Variants in ABCC4 observed in about 807,000 individuals in gnomAD.
The protein encoded by ABCC4 is ATP-binding cassette sub-family C member 4.
Under a neutral mutation model 168.5 loss-of-function variants are expected in ABCC4, and 102 were observed. That is an observed-to-expected ratio of 0.61 (90% CI 0.52 to 0.71). ABCC4 has a LOEUF of 0.71. Among genes scored for constraint, ABCC4 ranks in the 30% least tolerant of loss-of-function variants. The probability of loss-of-function intolerance (pLI) is 0.00; values close to 1 mark genes in which losing one functional copy is unlikely to be tolerated. For synonymous variants in ABCC4, 617 were observed against 590.7 expected (o/e 1.04, Z -0.65); for missense variants, 1,402 against 1,605.8 (o/e 0.87, Z 2.17).
chr13:95,026,484 T>A (rs1017206614), intron 30 of ABCC4, among the ~76,000 whole-genome samples: 5 of 152,016 alleles, frequency 3.3e-5, no homozygotes, highest in Non-Finnish European at 7.4e-5. Flanking sequence ...AATAAAAAAA[T>A]TCAAGGATAT....
chr13:95,268,858 C>A (rs1020845637), intron 1 of ABCC4, among the ~76,000 whole-genome samples: 1 of 151,868 alleles, frequency 6.6e-6, no homozygotes, highest in Non-Finnish European at 1.5e-5. Context: ...CGGGTCCTGG[C>A]GCGGGTTCTC....
intron 19 of ABCC4, among the ~76,000 whole-genome samples, chr13:95,129,098 T>C (rs1215279227): frequency 2.0e-5 from 3 of 152,196 alleles, no homozygotes; most frequent in African/African-American, 7.2e-5. Context: ...GATCACGAAG[T>C]TGGCTGAAAA....
At chr13:95,133,904 T>TA (rs1162831862) in intron 19 of ABCC4, among the ~76,000 whole-genome samples, 2 of 152,202 alleles carry the variant, frequency 1.3e-5, no homozygotes, top group Non-Finnish European at 2.9e-5. Context: ...AAAAATATTT[T>TA]ACACAATCAA....
chr13:95,212,486 T>C (rs957907188), intron 4 of ABCC4, among the ~76,000 whole-genome samples: 7 of 152,214 alleles, frequency 4.6e-5, no homozygotes, highest in African/African-American at 1.7e-4. Flanking sequence ...AAGCCTAAGC[T>C]GACCCTTTTC....
In ABCC4 at chr13:95,098,134, T is replaced by TTAA. The variant is rs143541251; in HGVS notation, c.2536-14845_2536-14844insTTA. On this transcript the variant is annotated intron_variant, in intron 20 of 30. Transcript: ENST00000645237. ...CTGGGCGACAGAGTGAGATACTGTC[T>TTAA]AAAAAAAAAAAAAAAAAAGTCAACT... Among the ~76,000 whole-genome samples the TTAA allele has an allele frequency of 2.9e-3, 327 of 114,092 alleles. 1 individual carries two copies. Among genetic ancestry groups the TTAA allele is most frequent in the African/African-American group, 0.01 (308 of 30,258 alleles). 74.8% of individuals were successfully genotyped at this position (114,092 alleles called of 152,430 possible). A position where few individuals can be genotyped will look rare whatever the true frequency, so the allele number is the denominator to read the frequency against.
chr13:95,213,126 T>TAAA (rs11370564), intron 4 of ABCC4, among the ~76,000 whole-genome samples: 2 of 147,860 alleles, frequency 1.4e-5, no homozygotes, highest in South Asian at 2.1e-4. Flanking sequence ...GATTCCATCT[T>TAAA]AAAAAAAAAA....
intron 20 of ABCC4, among the ~76,000 whole-genome samples, chr13:95,086,272 T>C (rs567161571): frequency 3.9e-5 from 6 of 152,256 alleles, no homozygotes; most frequent in African/African-American, 1.4e-4. Flanking sequence ...TTAAGAATTA[T>C]TGTTTACATC....
At chr13:95,124,897 A>AT (rs1186680739) in intron 19 of ABCC4, among the ~76,000 whole-genome samples, 1 of 151,226 alleles carries the variant, frequency 6.6e-6, no homozygotes, top group African/African-American at 2.4e-5. Flanking sequence ...ATAAAATAAA[A>AT]TAAAAAAATA....
chr13:95,288,960 T>C (rs966882060), intron 1 of ABCC4, among the ~76,000 whole-genome samples: 1 of 152,222 alleles, frequency 6.6e-6, no homozygotes, highest in Non-Finnish European at 1.5e-5. Context: ...TTGAGCTCTG[T>C]TACATTGAGA....
chr13:95,043,894 T>A, intron 28 of ABCC4, 107 bp from the exon 29 acceptor site: 1 of 693,542 alleles, frequency 1.4e-6, no homozygotes, highest in Non-Finnish European at 2.4e-6. Context: ...AGATCATATC[T>A]ATTTAATGTT....
In ABCC4 at chr13:95,083,227, G is replaced by A; in HGVS notation, c.2599C>T (p.Pro867Ser). ...AAAATGATTCCAAGGGGAACCAAGG[G>A]TATTGCGATCCAAGGAATCACGGCC... ...AVAVIPWIAI[P>S]LVPLGIIFIF... Residue 867 changes from proline (P) to serine (S), a missense_variant, in exon 21 of 31, where the codon CCC (proline) becomes TCC (serine). Physicochemically the swap from Pro to Ser is moderately conservative, Grantham distance 74. Transcript: ENST00000645237. The A allele has an allele frequency of 6.2e-7, 1 of 1,613,922 alleles. No individual in the cohort carries two copies. The highest frequency in any genetic ancestry group is 8.5e-7 in the Non-Finnish European group (1 of 1,179,934).
rs1277342970 is a variant in ABCC4 at position 95,164,489 on chromosome 13, C to A, written c.2064G>T (p.Glu688Asp). The A allele has an allele frequency of 5.0e-6, 8 of 1,613,944 alleles. No individual in the cohort carries two copies. Among genetic ancestry groups the A allele is most frequent in the Non-Finnish European group, 6.8e-6 (8 of 1,180,006 alleles). The change falls in exon 16 of 31, where the codon GAG becomes GAT. Residue 688 changes from glutamate (E) to aspartate (D), a missense_variant. Around this residue, in one of 3 missense-constraint regions of ABCC4, gnomAD observed 1,007 missense variants for 1,127.3 expected, o/e 0.89. Transcript: ENST00000645237. ...DTENVPVTLS[E>D]ENRSEGKVGF... ...CAACTTTTCCTTCAGAACGGTTCTC[C>A]TCTGATAGTGTAACTGGGACATTCT...
At position 95,167,205 on chromosome 13, in the gene ABCC4, A is replaced by AATAAATAC. The variant is rs1555324797; in HGVS notation, c.1825-839_1825-838insGTATTTAT. 9.1e-4 allele frequency among the ~76,000 whole-genome samples: 138 copies of AATAAATAC among 151,306 alleles called. 4 individuals carry two copies. The highest frequency in any genetic ancestry group is 3.1e-3 in the African/African-American group (128 of 41,094). On this transcript the variant is annotated intron_variant, in intron 14 of 30. Transcript: ENST00000645237. ...AAATAAATAAATAAATAAATAAATA[A>AATAAATAC]ATAAATAAATAAATAATTGCCCCAA... is the stretch of plus-strand genomic sequence containing the variant.
intron 27 of ABCC4, among the ~76,000 whole-genome samples, chr13:95,051,833 A>C (rs2032851115): frequency 6.6e-6 from 1 of 150,910 alleles, no homozygotes; most frequent in Non-Finnish European, 1.5e-5. Flanking sequence ...CGTCTGGCTA[A>C]TTTTGGTATT....
At chr13:95,151,477 G>GA (rs1263337005) in intron 19 of ABCC4, among the ~76,000 whole-genome samples, 26,433 of 81,670 alleles carry the variant, frequency 0.32, 3,544 homozygotes, top group Middle Eastern at 0.43. Context: ...TCTGTCTCAA[G>GA]AAAAAAAAAA....
chr13:95,266,348 G>A (rs2099134670), intron 1 of ABCC4: 1 of 152,462 alleles, frequency 6.6e-6, no homozygotes. Context: ...GGACACTAAG[G>A]ACGGCCGGCA....
intron 9 of ABCC4, among the ~76,000 whole-genome samples, chr13:95,192,650 G>A (rs1248936568): frequency 3.9e-5 from 6 of 152,304 alleles, no homozygotes; most frequent in African/African-American, 1.4e-4. Context: ...GGGCACGGTG[G>A]CTCATGCCTG....
chr13:95,077,076 G>A (rs2033931394), intron 21 of ABCC4, among the ~76,000 whole-genome samples: 1 of 152,190 alleles, frequency 6.6e-6, no homozygotes, highest in Non-Finnish European at 1.5e-5. Flanking sequence ...CCTCCCTCCT[G>A]CATAGCAGCG....
At chr13:95,254,354 T>A (rs1426020628) in intron 1 of ABCC4, among the ~76,000 whole-genome samples, 1 of 151,994 alleles carries the variant, frequency 6.6e-6, no homozygotes, top group African/African-American at 2.4e-5. Flanking sequence ...ATGATGGTCA[T>A]AATTTTGCTT....
Sources: allele counts gnomAD v4.1 joint callset (sites outside exome capture counted in the v4.1 genomes callset), GRCh38; gene constraint gnomAD v4.1.1; regional missense constraint gnomAD v4.1.1; transcripts MANE v1.5; gene names NCBI Gene and HGNC (gene_info 2026-07-23, HGNC 2026-07-21).